LRRC37A2: variants seen among roughly 807,000 people sequenced by gnomAD.
LRRC37A2 encodes the protein leucine rich repeat containing 37 member A2, also known as leucine-rich repeat-containing protein 37A2.
In LRRC37A2, 9 loss-of-function variants were observed where a neutral mutation model predicts 68.8. The observed-to-expected ratio is 0.13, with a 90% CI of 0.08 to 0.23. The LOEUF is 0.23. LRRC37A2 is among the 10% of genes least tolerant of loss of function. LRRC37A2 has a pLI of 1.00. For missense variants in LRRC37A2, 168 were observed against 950.4 expected (o/e 0.18, Z 10.82); for synonymous variants, 63 against 367.6 (o/e 0.17, Z 9.48).
At chr17:47,024,181 C>T in the LRRC37A2 span, among the ~76,000 whole-genome samples, 5 of 152,012 alleles carry the variant, frequency 3.3e-5, no homozygotes, top group Non-Finnish European at 5.9e-5. Context: ...AGAGTGAGAC[C>T]CTGTCTCAAA....
the LRRC37A2 span, among the ~76,000 whole-genome samples, chr17:46,743,091 G>T: frequency 1.2e-4 from 19 of 152,068 alleles, no homozygotes; most frequent in Non-Finnish European, 2.5e-4. Flanking sequence ...TGACTCCTTC[G>T]GAGGGGGTGT....
the LRRC37A2 span, among the ~76,000 whole-genome samples, chr17:46,457,930 A>AACACACACAC: frequency 2.4e-4 from 10 of 41,048 alleles, no homozygotes; most frequent in African/African-American, 4.8e-4. Flanking sequence ...TCATAAGGAA[A>AACACACACAC]ACACACACAC....
intron 8 of LRRC37A2, among the ~76,000 whole-genome samples, chr17:46,542,397 G>T (rs1157197747): frequency 1.3e-5 from 2 of 148,150 alleles, no homozygotes; most frequent in African/African-American, 2.6e-5. Context: ...TAGAAATGAG[G>T]TCTCAGTATG....
At chr17:46,727,671 A>T in the LRRC37A2 span, among the ~76,000 whole-genome samples, 1 of 152,162 alleles carries the variant, frequency 6.6e-6, no homozygotes, top group Admixed American at 6.5e-5. Flanking sequence ...GATACATCTC[A>T]GCCCAGTTTA....
chr17:46,799,614 C>T, the LRRC37A2 span, among the ~76,000 whole-genome samples: 3 of 151,738 alleles, frequency 2.0e-5, no homozygotes, highest in Non-Finnish European at 2.9e-5. Context: ...TGCCTGGCTA[C>T]TTTTTGTATT....
At chr17:47,014,392 G>GAA in the LRRC37A2 span, among the ~76,000 whole-genome samples, 2 of 99,434 alleles carry the variant, frequency 2.0e-5, no homozygotes, top group African/African-American at 4.2e-5. Context: ...TCCATCTCGA[G>GAA]AAAAAAAAAA....
chr17:46,879,669 T>C, the LRRC37A2 span, among the ~76,000 whole-genome samples: 1 of 152,222 alleles, frequency 6.6e-6, no homozygotes, highest in Non-Finnish European at 1.5e-5. Flanking sequence ...ACTTGTTCAA[T>C]GAATATTTAC....
the LRRC37A2 span, among the ~76,000 whole-genome samples, chr17:46,912,695 C>G: frequency 1.3e-5 from 2 of 152,216 alleles, no homozygotes; most frequent in Non-Finnish European, 2.9e-5. Context: ...GCCACCCTGT[C>G]TGCTCAGCTT....
chr17:46,501,268 C>T, the LRRC37A2 span, among the ~76,000 whole-genome samples: 1 of 150,996 alleles, frequency 6.6e-6, no homozygotes, highest in Non-Finnish European at 1.5e-5. Context: ...CTCCGCCTCC[C>T]GGGTTCACGC....
chr17:46,940,694 G>A, the LRRC37A2 span: 1 of 1,609,704 alleles, frequency 6.2e-7, no homozygotes, highest in Non-Finnish European at 8.5e-7. Flanking sequence ...TTCGTGGTGT[G>A]CACCAGTGCT....
the LRRC37A2 span, among the ~76,000 whole-genome samples, chr17:47,031,038 T>C: frequency 6.6e-6 from 1 of 151,690 alleles, no homozygotes; most frequent in African/African-American, 2.4e-5. Flanking sequence ...AAGATAAGGC[T>C]CAGGCCCCAC....
chr17:46,744,284 ATT>A, the LRRC37A2 span, among the ~76,000 whole-genome samples: 1 of 152,204 alleles, frequency 6.6e-6, no homozygotes, highest in Non-Finnish European at 1.5e-5. Context: ...TCTATTTCAT[ATT>A]TTACTTACCA....
At chr17:46,772,518 C>A in the LRRC37A2 span, among the ~76,000 whole-genome samples, 1 of 152,226 alleles carries the variant, frequency 6.6e-6, no homozygotes, top group Admixed American at 6.5e-5. Context: ...AACACACCGA[C>A]AAGAACGAGT....
chr17:46,428,961 A>AAAG, the LRRC37A2 span, among the ~76,000 whole-genome samples: 154 of 114,340 alleles, frequency 1.3e-3, 1 homozygote, highest in African/African-American at 1.7e-3. Context: ...AAAAAAAAAA[A>AAAG]AAGAAGAAGA....
chr17:46,988,190 A>G, the LRRC37A2 span, among the ~76,000 whole-genome samples: 2 of 152,222 alleles, frequency 1.3e-5, no homozygotes, highest in African/African-American at 4.8e-5. Context: ...ACAAACAAAC[A>G]AACAAATGCA....
At chr17:46,492,990 G>A in the LRRC37A2 span, among the ~76,000 whole-genome samples, 2 of 147,764 alleles carry the variant, frequency 1.4e-5, no homozygotes, top group Non-Finnish European at 3.0e-5. Flanking sequence ...CACTGCGCCT[G>A]GCCTCAAGTT....
At chr17:46,726,818 A>G in the LRRC37A2 span, among the ~76,000 whole-genome samples, 1 of 152,168 alleles carries the variant, frequency 6.6e-6, no homozygotes, top group African/African-American at 2.4e-5. Flanking sequence ...TGACTATAAC[A>G]CCATTATAAA....
At chr17:46,851,343 C>A in the LRRC37A2 span, among the ~76,000 whole-genome samples, 1 of 151,692 alleles carries the variant, frequency 6.6e-6, no homozygotes, top group Non-Finnish European at 1.5e-5. The surrounding 1 kb of genome is among the most constrained non-coding windows in gnomAD (Gnocchi z 4.3). Flanking sequence ...CACCGCGACC[C>A]CGGGCGGGCG....
the LRRC37A2 span, chr17:46,876,470 C>T: frequency 6.2e-7 from 1 of 1,613,670 alleles, no homozygotes; most frequent in Non-Finnish European, 8.5e-7. Flanking sequence ...AGGCCTGGCC[C>T]CAAGGTCTGG....
Sources: allele counts gnomAD v4.1 joint callset (sites outside exome capture counted in the v4.1 genomes callset), GRCh38; gene constraint gnomAD v4.1.1; non-coding constraint Gnocchi (gnomAD v3.1); transcripts MANE v1.5; gene names NCBI Gene and HGNC (gene_info 2026-07-23, HGNC 2026-07-21).